Variants in AP3B2 observed in about 807,000 individuals in gnomAD.
AP3B2 encodes AP-3 complex subunit beta-2.
AP3B2 carries 50 observed loss-of-function variants against 126.9 expected under a neutral mutation model. The ratio of observed to expected loss-of-function variants is 0.39; its 90% CI spans 0.31 to 0.50. The LOEUF is 0.50. Ranked by LOEUF, AP3B2 falls within the 20% of genes least tolerant of loss-of-function variation. The pLI, the probability that AP3B2 is intolerant of heterozygous loss-of-function variation, is 0.79. For synonymous variants in AP3B2, 541 were observed against 565.0 expected (o/e 0.96, Z 0.60); for missense variants, 1,177 against 1,426.4 (o/e 0.83, Z 2.82).
chr15:82,660,908 C>T (rs1421542317), intron 25 of AP3B2, among the ~76,000 whole-genome samples: 6 of 152,138 alleles, frequency 3.9e-5, no homozygotes, highest in Non-Finnish European at 7.4e-5. Context: ...GTACTTGAGC[C>T]GTGGTCTCCC....
At chr15:82,705,679 C>T (rs1596200831) in intron 1 of AP3B2, among the ~76,000 whole-genome samples, 1 of 152,166 alleles carries the variant, frequency 6.6e-6, no homozygotes, top group African/African-American at 2.4e-5. Context: ...TCATCCATTA[C>T]CTATCTTGGC....
rs1408197173 is a variant in AP3B2 at position 82,665,223 on chromosome 15, G to A, written c.2028+24C>T. 6 of 1,535,576 alleles carry A rather than the reference G, an allele frequency of 3.9e-6. No homozygotes were observed. Among genetic ancestry groups the A allele is most frequent in the Admixed American group, 3.9e-5 (2 of 51,028 alleles). On this transcript the variant is annotated intron_variant, in intron 17 of 26. Coordinates refer to ENST00000535359, the MANE Select transcript of AP3B2 (RefSeq NM_001278512.2). This position sits in a 1 kb window ranked among gnomAD's most constrained non-coding sequence, Gnocchi z 4.4. The stretch of plus-strand genomic sequence containing the variant: ...GGACACAGACAGGGCAGGGGAGAGA[G>A]CACACGTCACACGAAGGTGGGACCT...
chr15:82,664,625 A>G lies in AP3B2; in HGVS notation c.2138-135T>C. ...TGACCTGCCCCCAGCCCTACATGCC[A>G]GCTGGAACTGACAGAAACACAGATG... On this transcript the variant is annotated intron_variant, in intron 18 of 26. Transcript: ENST00000535359. This position sits in a 1 kb window ranked among gnomAD's most constrained non-coding sequence, Gnocchi z 4.5. 1 of 1,223,614 alleles carries G rather than the reference A, an allele frequency of 8.2e-7. No homozygotes were observed. 75.8% of individuals were successfully genotyped at this position (1,223,614 alleles called of 1,614,324 possible).
chr15:82,670,255 A>T (rs1298301719), intron 14 of AP3B2, among the ~76,000 whole-genome samples: 2 of 151,260 alleles, frequency 1.3e-5, no homozygotes, highest in African/African-American at 4.9e-5. Flanking sequence ...GATTACAGGC[A>T]CCCGCCACCA....
intron 4 of AP3B2, chr15:82,688,517 G>A (rs1320571211): frequency 1.4e-6 from 1 of 702,956 alleles, no homozygotes; most frequent in Admixed American, 2.0e-5. Flanking sequence ...AGAGACAGGG[G>A]CCCTGGGTAC....
chr15:82,696,347 G>A (rs2048628043), intron 1 of AP3B2, among the ~76,000 whole-genome samples: 1 of 152,198 alleles, frequency 6.6e-6, no homozygotes, highest in South Asian at 2.1e-4. Context: ...GGAGGCCAAG[G>A]TGGGCAGATC....
chr15:82,670,470 A>G (rs1320028518), intron 14 of AP3B2, among the ~76,000 whole-genome samples: 1 of 152,208 alleles, frequency 6.6e-6, no homozygotes, highest in East Asian at 1.9e-4. Flanking sequence ...AGTCTCTTCA[A>G]TAAATGGCGC....
intron 25 of AP3B2, among the ~76,000 whole-genome samples, chr15:82,660,587 A>G (rs1231799473): frequency 6.6e-6 from 1 of 152,012 alleles, no homozygotes; most frequent in Non-Finnish European, 1.5e-5. Flanking sequence ...CTCCACTCAC[A>G]TGATCCAGGC....
At chr15:82,688,951 G>C in intron 3 of AP3B2, 120 bp from the exon 4 acceptor site, 1 of 1,041,266 alleles carries the variant, frequency 9.6e-7, no homozygotes. Context: ...CTCTCCCAGT[G>C]GGGGAGAGCA....
At position 82,665,466 on chromosome 15, in the gene AP3B2, GC is replaced by G; in HGVS notation, c.1961del (p.Arg654ProfsTer141). ...CCTCCACCCCGCTGACCTCCACGTT[GC>G]GCACAGATGGGTCTGGGGCTTCCTC... ...WPEEAPDPSV[R>X]NVEEEDLSLI... On this transcript the variant is annotated frameshift_variant, in exon 16 of 27. Coordinates refer to ENST00000535359, the MANE Select transcript of AP3B2 (RefSeq NM_001278512.2). LOFTEE classifies it high-confidence loss of function. This position sits in a 1 kb window ranked among gnomAD's most constrained non-coding sequence, Gnocchi z 4.4. The G allele has an allele frequency of 6.2e-7, 1 of 1,611,614 alleles. No individual in the cohort carries two copies. The highest frequency in any genetic ancestry group is 8.5e-7 in the Non-Finnish European group (1 of 1,179,208).
chr15:82,666,378 C>A (rs970978120), intron 15 of AP3B2, among the ~76,000 whole-genome samples: 1 of 152,236 alleles, frequency 6.6e-6, no homozygotes, highest in Non-Finnish European at 1.5e-5. Context: ...AAAATATACA[C>A]CTCTCCTTTG....
chr15:82,697,672 T>C (rs1401667042), intron 1 of AP3B2, among the ~76,000 whole-genome samples: 1 of 152,134 alleles, frequency 6.6e-6, no homozygotes. Flanking sequence ...GAAAGCAAAA[T>C]AGAAAGATGA....
intron 1 of AP3B2, among the ~76,000 whole-genome samples, chr15:82,698,505 T>C (rs2048666168): frequency 1.3e-5 from 2 of 150,530 alleles, no homozygotes; most frequent in Admixed American, 1.3e-4. Flanking sequence ...CACACACACA[T>C]GCCGCATCAC....
chr15:82,683,355 C>G (rs576965999), intron 4 of AP3B2, among the ~76,000 whole-genome samples: 26 of 152,200 alleles, frequency 1.7e-4, no homozygotes, highest in Non-Finnish European at 3.5e-4. Context: ...CTGCACCCGG[C>G]AGATTCCATT....
rs1033992535 is a variant in AP3B2 at position 82,665,665 on chromosome 15, G to A, written c.1853-90C>T. On this transcript the variant is annotated intron_variant, in intron 15 of 26. Coordinates refer to ENST00000535359, the MANE Select transcript of AP3B2 (RefSeq NM_001278512.2). This position sits in a 1 kb window ranked among gnomAD's most constrained non-coding sequence, Gnocchi z 4.4. Reference sequence around the variant, plus strand: ...CAGGTGGGGCTGGGTGGTGATTCTGGTTGGGACTTCCCAGGTGGGTAGGGG... The same window carrying A: ...CAGGTGGGGCTGGGTGGTGATTCTGATTGGGACTTCCCAGGTGGGTAGGGG... 9.5e-7 allele frequency: 1 copy of A among 1,057,196 alleles called. No homozygotes were observed. Among genetic ancestry groups the A allele is most frequent in the Non-Finnish European group, 1.4e-6 (1 of 694,222 alleles). 65.5% of individuals were successfully genotyped at this position (1,057,196 alleles called of 1,614,324 possible).
At chr15:82,676,323 C>T in intron 14 of AP3B2, 138 bp downstream of exon 14, 1 of 873,726 alleles carries the variant, frequency 1.1e-6, no homozygotes, top group Non-Finnish European at 1.7e-6. Context: ...GTTATGTGGG[C>T]AGACCAGCCA....
intron 11 of AP3B2, 58 bp downstream of exon 11, chr15:82,678,047 G>T (rs1469712101): frequency 6.4e-7 from 1 of 1,572,336 alleles, no homozygotes; most frequent in Non-Finnish European, 8.7e-7. Context: ...ACCCACCAGG[G>T]CACAAGGATC....
At position 82,659,303 on chromosome 15, in the gene AP3B2, G is replaced by A; in HGVS notation, c.*257C>T. 1 of 433,888 alleles carries A rather than the reference G, an allele frequency of 2.3e-6. No homozygotes were observed. The highest frequency in any genetic ancestry group is 3.9e-5 in the South Asian group (1 of 25,868). 26.9% of individuals were successfully genotyped at this position (433,888 alleles called of 1,614,324 possible). The stretch of plus-strand genomic sequence containing the variant: ...AGCTAGAGAGAAGACATTTTATTGA[G>A]CCTGCTACATAAATAGCTACAGAAA... On this transcript the variant is annotated 3_prime_UTR_variant, in exon 27 of 27. Transcript: ENST00000535359.
intron 1 of AP3B2, among the ~76,000 whole-genome samples, chr15:82,706,725 A>G (rs975928467): frequency 6.6e-6 from 1 of 152,118 alleles, no homozygotes; most frequent in Non-Finnish European, 1.5e-5. Flanking sequence ...GGCCCATTCT[A>G]TTCTTTCGTC....
Sources: allele counts gnomAD v4.1 joint callset (sites outside exome capture counted in the v4.1 genomes callset), GRCh38; gene constraint gnomAD v4.1.1; non-coding constraint Gnocchi (gnomAD v3.1); transcripts MANE v1.5; gene names NCBI Gene and HGNC (gene_info 2026-07-23, HGNC 2026-07-21).